Variants in NAV1 observed in about 807,000 individuals in gnomAD.
The protein encoded by NAV1 is pore membrane and/or filament interacting like protein 3.
In NAV1, 18 loss-of-function variants were observed where a neutral mutation model predicts 175.2. The observed-to-expected ratio is 0.10, with a 90% CI of 0.07 to 0.15. The LOEUF (loss-of-function observed/expected upper bound fraction) is 0.15. Ranked by LOEUF, NAV1 falls within the 10% of genes least tolerant of loss-of-function variation. The probability of loss-of-function intolerance (pLI) is 1.00; values close to 1 mark genes in which losing one functional copy is unlikely to be tolerated. For synonymous variants in NAV1, 897 were observed against 978.7 expected, an observed-to-expected ratio of 0.92 and a Z score of 1.56; for missense variants, 1,731 against 2,436.6, an observed-to-expected ratio of 0.71 and a Z score of 6.10.
chr1:201,545,130 C>G (rs1335218035), intron 1 of NAV1, among the ~76,000 whole-genome samples: 1 of 152,206 alleles, frequency 6.6e-6, no homozygotes, highest in Non-Finnish European at 1.5e-5. Context: ...TGCCTTACTC[C>G]TGGGACAATG....
chr1:201,818,528 C>CAA (rs373302622), intron 29 of NAV1, among the ~76,000 whole-genome samples: 32 of 93,806 alleles, frequency 3.4e-4, no homozygotes, highest in African/African-American at 5.0e-4. Context: ...GACTCCCTCT[C>CAA]AAAAAAAAAA....
intron 1 of NAV1, among the ~76,000 whole-genome samples, chr1:201,668,045 C>T (rs181165459): frequency 3.2e-4 from 49 of 152,344 alleles, no homozygotes; most frequent in African/African-American, 1.1e-3. Context: ...GAAACCATAG[C>T]GCCCATGTCT....
At chr1:201,824,876 T>C (rs1017774975) in exon 30 of NAV1, 3 of 152,018 alleles carry the variant, frequency 2.0e-5, no homozygotes, top group African/African-American at 7.3e-5. Context: ...GAAACTCTAA[T>C]GAGAGGACCC....
At chr1:201,701,421 T>TA (rs869188724) in intron 1 of NAV1, among the ~76,000 whole-genome samples, 15 of 63,396 alleles carry the variant, frequency 2.4e-4, no homozygotes, top group Non-Finnish European at 4.1e-4. Context: ...ATAAAAAAAA[T>TA]AAAAAAAGAA....
intron 1 of NAV1, among the ~76,000 whole-genome samples, chr1:201,569,514 C>T (rs1666467340): frequency 6.6e-6 from 1 of 152,222 alleles, no homozygotes; most frequent in Non-Finnish European, 1.5e-5. Flanking sequence ...TCCTTCATCT[C>T]TTCACTTTAG....
At chr1:201,638,412 A>G (rs766455090) in intron 2 of NAV1, among the ~76,000 whole-genome samples, 1 of 152,172 alleles carries the variant, frequency 6.6e-6, no homozygotes, top group Non-Finnish European at 1.5e-5. Context: ...CTGCAGTCCT[A>G]GATCATGCAG....
intron 3 of NAV1, among the ~76,000 whole-genome samples, chr1:201,768,829 A>T (rs967814087): frequency 6.6e-6 from 1 of 152,172 alleles, no homozygotes; most frequent in Non-Finnish European, 1.5e-5. Context: ...ACATTTTATC[A>T]TAGATAGCAA....
chr1:201,756,791 ATTCTCTTTCTTTCTTTCCTTCT>A (rs1558131073), intron 3 of NAV1, among the ~76,000 whole-genome samples: 1 of 147,858 alleles, frequency 6.8e-6, no homozygotes, highest in African/African-American at 2.5e-5. Context: ...CTAATGAGCA[ATTCTCTTTCTTTCTTTCCTTCT>A]TTCTTTCTTT....
chr1:201,626,970 G>A (rs1233195685), intron 1 of NAV1, among the ~76,000 whole-genome samples: 1 of 152,232 alleles, frequency 6.6e-6, no homozygotes, highest in African/African-American at 2.4e-5. Flanking sequence ...GATAAAGCCT[G>A]CCTTCCTCAA....
intron 1 of NAV1, among the ~76,000 whole-genome samples, chr1:201,665,263 G>A (rs1669773445): frequency 6.6e-6 from 1 of 151,524 alleles, no homozygotes; most frequent in Admixed American, 6.6e-5. Flanking sequence ...CACTCCCGCA[G>A]ATCTGCTTGG....
At chr1:201,706,936 C>G (rs896988405) in intron 1 of NAV1, among the ~76,000 whole-genome samples, 16 of 152,250 alleles carry the variant, frequency 1.1e-4, no homozygotes, top group African/African-American at 3.9e-4. Context: ...GGTTATTACC[C>G]TCGGTTGAAG....
chr1:201,550,235 C>T (rs1030326757), intron 1 of NAV1, among the ~76,000 whole-genome samples: 2 of 151,968 alleles, frequency 1.3e-5, no homozygotes, highest in Non-Finnish European at 2.9e-5. Flanking sequence ...GCAGTGGCAC[C>T]AATGCAGCTC....
At chr1:201,789,071 T>C (rs962432496) in intron 10 of NAV1, among the ~76,000 whole-genome samples, 35 of 152,226 alleles carry the variant, frequency 2.3e-4, no homozygotes, top group African/African-American at 8.4e-4. Context: ...TTCAAAAATG[T>C]TCCAAAGATG....
At chr1:201,781,357 G>T (rs938783558) in intron 5 of NAV1, 48 bp downstream of exon 9, 3 of 1,511,212 alleles carry the variant, frequency 2.0e-6, no homozygotes, top group Middle Eastern at 1.8e-4. Context: ...CTAGTTCTTT[G>T]GTTGCTCCTC....
intron 1 of NAV1, among the ~76,000 whole-genome samples, chr1:201,583,989 C>A (rs1026976704): frequency 2.0e-5 from 3 of 152,214 alleles, no homozygotes; most frequent in Non-Finnish European, 4.4e-5. Context: ...ATTAAAGAAT[C>A]CAACTGGATC....
chr1:201,646,456 T>C (rs561974298), upstream of NAV1, among the ~76,000 whole-genome samples: 123 of 152,334 alleles, frequency 8.1e-4, no homozygotes, highest in African/African-American at 2.9e-3. Flanking sequence ...AGGATTATTA[T>C]TTTCCCAAGT....
Position 201,782,947 on chromosome 1 carries a change from A to G in NAV1, c.2357+78A>G. 7.8e-7 allele frequency: 1 copy of G among 1,281,212 alleles called. No individual in the cohort carries two copies. The highest frequency in any genetic ancestry group is 1.1e-6 in the Non-Finnish European group (1 of 928,832). The allele number at this position is 1,281,212 out of a possible 1,614,324, so 79.4% of individuals were successfully genotyped here. Reference sequence around the variant, plus strand: ...CATATCTCTGCCCTCCTTGGACTAGATGAGGCATGGCCTATCCACCGTTGT... The same window carrying G: ...CATATCTCTGCCCTCCTTGGACTAGGTGAGGCATGGCCTATCCACCGTTGT... On this transcript the variant is annotated intron_variant, in intron 6 of 29. Coordinates refer to ENST00000367296, the Ensembl canonical transcript of NAV1. This position sits in a 1 kb window ranked among gnomAD's most constrained non-coding sequence, Gnocchi z 5.4.
intron 3 of NAV1, among the ~76,000 whole-genome samples, chr1:201,755,659 A>G (rs1674408691): frequency 6.6e-6 from 1 of 152,212 alleles, no homozygotes. Flanking sequence ...CAAGACAAGA[A>G]TCATAGTAGT....
At chr1:201,577,590 G>A (rs1666729142) in intron 1 of NAV1, among the ~76,000 whole-genome samples, 1 of 151,250 alleles carries the variant, frequency 6.6e-6, no homozygotes, top group African/African-American at 2.4e-5. Flanking sequence ...AAATCAGTTG[G>A]GCATATTTGT....
Sources: gnomAD v4.1 joint callset for allele counts (sites outside exome capture counted in the v4.1 genomes callset) on GRCh38, gnomAD v4.1.1 for gene constraint, Gnocchi (gnomAD v3.1) non-coding constraint, MANE v1.5 for transcripts, NCBI Gene and HGNC (gene_info 2026-07-23, HGNC 2026-07-21) for gene names.